Variants in CHST9 observed in about 807,000 individuals in gnomAD.
CHST9 encodes GalNAc-4-sulfotransferase 2.
A neutral mutation model predicts 44.4 loss-of-function variants in CHST9; 41 were observed. The observed-to-expected ratio is 0.92, with a 90% confidence interval of 0.72 to 1.20. The LOEUF (loss-of-function observed/expected upper bound fraction) is 1.20. Ranked by LOEUF, CHST9 falls within the 50% of genes most tolerant of loss-of-function variation. The pLI, the probability that CHST9 is intolerant of heterozygous loss-of-function variation, is 0.00. For synonymous variants in CHST9, 171 were observed against 178.4 expected, an observed-to-expected ratio of 0.96 and a Z score of 0.33; for missense variants, 504 against 516.5, an observed-to-expected ratio of 0.98 and a Z score of 0.23.
chr18:27,073,664 G>A (rs568275288), intron 2 of CHST9, among the ~76,000 whole-genome samples: 1 of 151,940 alleles, frequency 6.6e-6, no homozygotes, highest in South Asian at 2.1e-4. Context: ...AGTCAAGGTC[G>A]CCATTCCATG....
chr18:27,124,343 G>GA (rs2058401363), intron 2 of CHST9, among the ~76,000 whole-genome samples: 1 of 152,158 alleles, frequency 6.6e-6, no homozygotes, highest in Non-Finnish European at 1.5e-5. Context: ...GATACAGAGG[G>GA]AAAAAGCTGC....
At chr18:27,147,445 A>G (rs1281412063) in intron 1 of CHST9, among the ~76,000 whole-genome samples, 2 of 152,148 alleles carry the variant, frequency 1.3e-5, no homozygotes, top group Non-Finnish European at 2.9e-5. Flanking sequence ...GCAGTTTAGC[A>G]GAAAAGAAAC....
intron 3 of CHST9, among the ~76,000 whole-genome samples, chr18:27,027,066 G>A (rs1211169944): frequency 6.6e-6 from 1 of 152,186 alleles, no homozygotes; most frequent in Non-Finnish European, 1.5e-5. Context: ...GAGGGTTGGA[G>A]AGCTTCACAC....
chr18:27,101,784 A>G (rs1007548714), intron 2 of CHST9, among the ~76,000 whole-genome samples: 4 of 152,184 alleles, frequency 2.6e-5, no homozygotes, highest in Non-Finnish European at 5.9e-5. Context: ...TTGCAAAACT[A>G]TATTAGGTGT....
intron 4 of CHST9, among the ~76,000 whole-genome samples, chr18:26,969,372 C>T (rs199999917): frequency 8.2e-6 from 1 of 122,006 alleles, no homozygotes; most frequent in African/African-American, 3.1e-5. Flanking sequence ...CTCTCTCTCT[C>T]TCTCTGTGTG....
At chr18:26,924,786 T>C (rs930447091) in intron 5 of CHST9, 7 of 152,328 alleles carry the variant, frequency 4.6e-5, no homozygotes, top group African/African-American at 1.7e-4. Context: ...GGCATAGTTA[T>C]GAGAGGGGTG....
At chr18:27,164,469 ATTAAT>A (rs1054481929) in intron 1 of CHST9, among the ~76,000 whole-genome samples, 12 of 152,230 alleles carry the variant, frequency 7.9e-5, no homozygotes, top group African/African-American at 2.9e-4. Flanking sequence ...AGGAAATTGG[ATTAAT>A]TTAAGAGATT....
chr18:27,116,110 G>A (rs114788406), intron 2 of CHST9, among the ~76,000 whole-genome samples: 308 of 152,062 alleles, frequency 2.0e-3, no homozygotes, highest in African/African-American at 7.0e-3. Flanking sequence ...TCTTTATAGT[G>A]ACCTTTGAAA....
At chr18:26,929,439 A>G (rs148580438) in intron 5 of CHST9, among the ~76,000 whole-genome samples, 5 of 152,354 alleles carry the variant, frequency 3.3e-5, no homozygotes, top group African/African-American at 1.2e-4. Flanking sequence ...TTTCTCCAAA[A>G]TGTGAATGCA....
At chr18:26,973,721 A>G (rs1225869693) in intron 4 of CHST9, among the ~76,000 whole-genome samples, 1 of 152,174 alleles carries the variant, frequency 6.6e-6, no homozygotes, top group East Asian at 1.9e-4. Context: ...TGTTTTTTGA[A>G]CCCAAAAGTG....
intron 3 of CHST9, among the ~76,000 whole-genome samples, chr18:27,042,704 T>G (rs1255432739): frequency 6.6e-6 from 1 of 152,094 alleles, no homozygotes; most frequent in African/African-American, 2.4e-5. Flanking sequence ...GCGCAGAGCC[T>G]GAAAATAGTG....
chr18:26,955,655 G>A (rs1216517008), intron 4 of CHST9, among the ~76,000 whole-genome samples: 1 of 152,092 alleles, frequency 6.6e-6, no homozygotes, highest in Non-Finnish European at 1.5e-5. Flanking sequence ...AAGTTTCCTT[G>A]GCAAAAGGTC....
At chr18:26,974,297 C>T (rs940385400) in intron 4 of CHST9, among the ~76,000 whole-genome samples, 6 of 152,188 alleles carry the variant, frequency 3.9e-5, no homozygotes, top group South Asian at 2.1e-4. Context: ...TGAAAAACTG[C>T]GAGTAACCAA....
intron 4 of CHST9, among the ~76,000 whole-genome samples, chr18:27,017,006 T>A (rs2057162960): frequency 6.6e-6 from 1 of 152,198 alleles, no homozygotes; most frequent in Non-Finnish European, 1.5e-5. Flanking sequence ...AAATCACTTG[T>A]GATATAAAGA....
chr18:26,972,386 G>GA (rs2056560422), intron 4 of CHST9, among the ~76,000 whole-genome samples: 1 of 134,784 alleles, frequency 7.4e-6, no homozygotes, highest in Non-Finnish European at 1.6e-5. Context: ...AAAAAAGGAA[G>GA]AAAAAATAGA....
intron 2 of CHST9, among the ~76,000 whole-genome samples, chr18:27,110,395 T>C (rs1389269138): frequency 6.6e-6 from 1 of 152,206 alleles, no homozygotes; most frequent in Non-Finnish European, 1.5e-5. Flanking sequence ...CAGAAGTATC[T>C]AACTCAAACT....
chr18:27,024,224 A>G, intron 3 of CHST9, 67 bp from the exon 4 acceptor site: 1 of 1,314,914 alleles, frequency 7.6e-7, no homozygotes, highest in Non-Finnish European at 1.1e-6. Context: ...AAAACTTTCT[A>G]CACAAAGATG....
At chr18:27,073,463 A>G (rs2057864651) in intron 2 of CHST9, among the ~76,000 whole-genome samples, 1 of 151,886 alleles carries the variant, frequency 6.6e-6, no homozygotes, top group Non-Finnish European at 1.5e-5. Context: ...AAACCCTTAG[A>G]CTGAGTAGCC....
chr18:26,965,474 G>C (rs1051345194), intron 4 of CHST9, among the ~76,000 whole-genome samples: 1 of 152,156 alleles, frequency 6.6e-6, no homozygotes, highest in African/African-American at 2.4e-5. Flanking sequence ...CATCTGGCTT[G>C]CCCTTTAGTT....
Sources: gnomAD v4.1 joint callset for allele counts (sites outside exome capture counted in the v4.1 genomes callset) on GRCh38, gnomAD v4.1.1 for gene constraint, MANE v1.5 for transcripts, NCBI Gene and HGNC (gene_info 2026-07-23, HGNC 2026-07-21) for gene names.